The following PAK4 variants were observed in gnomAD, a reference collection of about 807,000 sequenced individuals.
The protein encoded by PAK4 is serine/threonine-protein kinase PAK 4.
PAK4 carries 49 observed loss-of-function variants against 53.5 expected under a neutral mutation model. The observed-to-expected ratio is 0.92, with a 90% confidence interval of 0.73 to 1.16. PAK4 has a LOEUF of 1.16. Ranked by LOEUF, PAK4 falls within the 50% of genes most tolerant of loss-of-function variation. The pLI is 0.00. For missense variants in PAK4, 824 were observed against 850.7 expected, an observed-to-expected ratio of 0.97 and a Z score of 0.39; for synonymous variants, 376 against 375.6, an observed-to-expected ratio of 1.00 and a Z score of -0.01.
chr19:39,170,216 C>T (rs1313283777), intron 2 of PAK4, among the ~76,000 whole-genome samples: 1 of 152,120 alleles, frequency 6.6e-6, no homozygotes, highest in East Asian at 1.9e-4. Flanking sequence ...ACCAGGGGTC[C>T]AGGCAAGCTT....
intron 1 of PAK4, among the ~76,000 whole-genome samples, chr19:39,149,729 G>T (rs1457076078): frequency 1.3e-5 from 2 of 152,084 alleles, no homozygotes; most frequent in Admixed American, 1.3e-4. Context: ...GGTGGTGGGC[G>T]CCTGTAGTCC....
intron 1 of PAK4, among the ~76,000 whole-genome samples, chr19:39,156,250 A>G (rs1020283374): frequency 6.6e-6 from 1 of 152,090 alleles, no homozygotes; most frequent in African/African-American, 2.4e-5. Context: ...CCAGCTCTCC[A>G]GTTCTGCCTC....
Position 39,136,820 on chromosome 19 carries a change from A to G in PAK4, c.-23+10901A>G, listed in dbSNP as rs557185121. On this transcript the variant is annotated intron_variant, in intron 1 of 8. Transcript: ENST00000358301. ...TGGGCTGCCAGAGCGTCTAATGGGG[A>G]CCCGCCCTGGGTGGGGCACACCGGG... Among the ~76,000 whole-genome samples the G allele has an allele frequency of 3.9e-5, 6 of 152,058 alleles. No homozygotes were observed. In the East Asian group the frequency reaches 1.2e-3, roughly 29 times the overall value.
intron 1 of PAK4, among the ~76,000 whole-genome samples, chr19:39,146,117 C>T (rs897759665): frequency 1.3e-5 from 2 of 152,252 alleles, no homozygotes; most frequent in African/African-American, 2.4e-5. Flanking sequence ...CATTCATTCA[C>T]TCATTTTTGT....
At chr19:39,171,168 C>CG (rs1293872783) in intron 2 of PAK4, among the ~76,000 whole-genome samples, 2 of 151,662 alleles carry the variant, frequency 1.3e-5, no homozygotes, top group African/African-American at 4.8e-5. Context: ...TGCCCTTGAC[C>CG]GGGCCTCAGG....
rs374813703 is a variant in PAK4, at chr19:39,173,075, C to G, written c.362C>G (p.Pro121Arg). The change falls in exon 3 of 9, where the codon CCG (proline) becomes CGG (arginine). Residue 121 changes from proline to arginine, a missense_variant. By Grantham distance (103) the Pro-to-Arg change is moderately radical (BLOSUM62 -2). This residue lies in a region of PAK4 where 478 missense variants were observed against 435.8 expected (regional missense o/e 1.10). Transcript: ENST00000358301. This position sits in a 1 kb window ranked among gnomAD's most constrained non-coding sequence, Gnocchi z 6.9. ...CAGGAAAATGGGATGCCAGAGGAGC[C>G]GGCCACCACGGCCAGAGGGGGCCCA... The G allele has an allele frequency of 6.5e-7, 1 of 1,548,616 alleles. No homozygotes were observed. Among genetic ancestry groups the G allele is most frequent in the Non-Finnish European group, 8.7e-7 (1 of 1,146,678 alleles).
chr19:39,176,100 T>C (rs947959188), intron 6 of PAK4, among the ~76,000 whole-genome samples: 2 of 152,076 alleles, frequency 1.3e-5, no homozygotes, highest in African/African-American at 2.4e-5. Context: ...GGAAGACCCA[T>C]AGAAATCCTC....
rs1180943150 is a variant in PAK4 at position 39,173,136 on chromosome 19, C to T, written c.423C>T (p.His141=). ...GCAGCCGAGGCCGGTTCGCCGGTCA[C>T]AGCGAGGCGGGTGGCGGCAGTGGTG... Residue 141 remains histidine, a synonymous_variant, in exon 3 of 9, where the codon CAC becomes CAT. Transcript: ENST00000358301. This position sits in a 1 kb window ranked among gnomAD's most constrained non-coding sequence, Gnocchi z 6.9. The T allele has an allele frequency of 2.6e-6, 4 of 1,544,664 alleles. No individual in the cohort carries two copies. In the African/African-American group the frequency reaches 4.1e-5, roughly 16 times the overall value.
downstream of PAK4, chr19:39,180,170 C>G (rs2074685698): frequency 6.6e-6 from 1 of 152,310 alleles, no homozygotes; most frequent in African/African-American, 2.4e-5. Context: ...GGTCCTGACC[C>G]CAAGAATCAG....
At chr19:39,180,331 T>G (rs1260596237), downstream of PAK4, 1 of 149,634 alleles carries the variant, frequency 6.7e-6, no homozygotes, top group Admixed American at 6.6e-5. Flanking sequence ...AAAAAAAAAA[T>G]GCTAACATTG....
chr19:39,165,293 G>A (rs1303791096), intron 1 of PAK4, among the ~76,000 whole-genome samples: 1 of 145,960 alleles, frequency 6.9e-6, no homozygotes, highest in African/African-American at 2.5e-5. Flanking sequence ...ATGAGGTCAG[G>A]AGATCGAGAC....
chr19:39,162,560 GCC>G (rs1178711742), intron 1 of PAK4, among the ~76,000 whole-genome samples: 4 of 152,136 alleles, frequency 2.6e-5, no homozygotes, highest in Non-Finnish European at 4.4e-5. Flanking sequence ...GAACCACCGT[GCC>G]CGGCCTTGAC....
rs1172302510 is a variant in PAK4, at chr19:39,161,036, C to G, written c.-22-8496C>G. ...GGGCAGTGAGTTCCCCTCTCGGCCT[C>G]AGTTTCCTGGTTTGGGGAACAGGAA... On this transcript the variant is annotated intron_variant, in intron 1 of 8. Transcript: ENST00000358301. This position sits in a 1 kb window ranked among gnomAD's most constrained non-coding sequence, Gnocchi z 4.5. 1.3e-5 allele frequency among the ~76,000 whole-genome samples: 2 copies of G among 152,192 alleles called. No homozygotes were observed. The highest frequency in any genetic ancestry group is 2.9e-5 in the Non-Finnish European group (2 of 68,034).
At chr19:39,129,367 A>G (rs1265694896) in intron 1 of PAK4, among the ~76,000 whole-genome samples, 2 of 151,962 alleles carry the variant, frequency 1.3e-5, no homozygotes, top group South Asian at 2.1e-4. Context: ...CGTTGGAGCT[A>G]TAACCGTGCA....
intron 1 of PAK4, among the ~76,000 whole-genome samples, chr19:39,149,542 G>A (rs2074060063): frequency 2.0e-5 from 3 of 152,138 alleles, no homozygotes. Flanking sequence ...ACAACATAGT[G>A]AGACCCGGTC....
intron 1 of PAK4, among the ~76,000 whole-genome samples, chr19:39,142,774 C>T (rs1011969934): frequency 3.9e-5 from 6 of 152,242 alleles, no homozygotes; most frequent in African/African-American, 1.2e-4. Flanking sequence ...CCTTGGCTGC[C>T]TGTGTCACCC....
chr19:39,177,059 G>C (rs1326799824), intron 7 of PAK4, among the ~76,000 whole-genome samples: 2 of 152,078 alleles, frequency 1.3e-5, no homozygotes, highest in Admixed American at 6.5e-5. Context: ...AGAGATGGGG[G>C]TTTCACCATG....
intron 1 of PAK4, among the ~76,000 whole-genome samples, chr19:39,141,823 G>C (rs536090930): frequency 6.6e-6 from 1 of 151,830 alleles, no homozygotes; most frequent in Non-Finnish European, 1.5e-5. Context: ...TTTTAGTAGA[G>C]ACAGAGTTTC....
At chr19:39,180,928 G>A (rs910754221), downstream of PAK4, 4 of 152,166 alleles carry the variant, frequency 2.6e-5, no homozygotes, top group African/African-American at 4.8e-5. Context: ...GCGACCCCAC[G>A]GGCACTGAGA....
Sources: gnomAD v4.1 joint callset for allele counts (sites outside exome capture counted in the v4.1 genomes callset) on GRCh38, gnomAD v4.1.1 for gene constraint, gnomAD v4.1.1 regional missense constraint, Gnocchi (gnomAD v3.1) non-coding constraint, MANE v1.5 for transcripts, NCBI Gene and HGNC (gene_info 2026-07-23, HGNC 2026-07-21) for gene names.